Variants in FCHSD2 observed in about 807,000 individuals in gnomAD.
FCHSD2 encodes the protein F-BAR and double SH3 domains protein 2.
A neutral mutation model predicts 108.1 loss-of-function variants in FCHSD2; 38 were observed. That is an observed-to-expected ratio of 0.35 (90% CI 0.27 to 0.46). The LOEUF is 0.46. FCHSD2 is among the 20% of genes least tolerant of loss of function. The pLI is 1.00. For missense variants in FCHSD2, 751 were observed against 897.8 expected (o/e 0.84, Z 2.09); for synonymous variants, 279 against 314.7 (o/e 0.89, Z 1.20).
intron 13 of FCHSD2, among the ~76,000 whole-genome samples, chr11:72,863,288 A>C (rs188084098): frequency 8.1e-4 from 124 of 152,280 alleles, no homozygotes; most frequent in African/African-American, 2.7e-3. Context: ...CAGTTAAAAA[A>C]AAAAGTTCAA....
At chr11:72,891,733 C>T (rs1018097832) in intron 10 of FCHSD2, among the ~76,000 whole-genome samples, 11 of 152,212 alleles carry the variant, frequency 7.2e-5, no homozygotes, top group Non-Finnish European at 1.5e-4. Flanking sequence ...TTTTATGGCA[C>T]TACTAGCTTT....
chr11:72,849,089 T>TGAATCTG (rs955791476), intron 14 of FCHSD2, among the ~76,000 whole-genome samples: 8 of 151,962 alleles, frequency 5.3e-5, no homozygotes, highest in African/African-American at 1.9e-4. Flanking sequence ...GGCGGAGGAG[T>TGAATCTG]GAATCTGGTG....
chr11:72,988,437 A>C (rs958960770), intron 6 of FCHSD2, among the ~76,000 whole-genome samples: 2 of 152,248 alleles, frequency 1.3e-5, no homozygotes. Context: ...CAATTGCTAA[A>C]GCATACATGA....
chr11:72,992,926 A>C (rs1048484006), intron 5 of FCHSD2, among the ~76,000 whole-genome samples: 5 of 152,236 alleles, frequency 3.3e-5, no homozygotes, highest in African/African-American at 1.2e-4. Flanking sequence ...ATTAAACTAA[A>C]GAGCTTCTGC....
chr11:72,971,173 G>A (rs555224908), intron 8 of FCHSD2, among the ~76,000 whole-genome samples: 1 of 151,906 alleles, frequency 6.6e-6, no homozygotes, highest in Admixed American at 6.6e-5. Flanking sequence ...AACTGGAACA[G>A]GTCAAAATAT....
chr11:72,926,375 G>C (rs1856076541), intron 8 of FCHSD2, among the ~76,000 whole-genome samples: 1 of 152,276 alleles, frequency 6.6e-6, no homozygotes, highest in East Asian at 1.9e-4. Flanking sequence ...GGTAGAGAGA[G>C]GATGGCATGA....
intron 6 of FCHSD2, among the ~76,000 whole-genome samples, chr11:72,988,707 T>C (rs980925250): frequency 1.3e-5 from 2 of 152,236 alleles, no homozygotes; most frequent in African/African-American, 4.8e-5. Flanking sequence ...GTAAATACAA[T>C]GTTCATTTAC....
chr11:72,950,188 G>A (rs753174700), intron 8 of FCHSD2, among the ~76,000 whole-genome samples: 45 of 152,032 alleles, frequency 3.0e-4, no homozygotes, highest in Admixed American at 1.6e-3. Context: ...TAAAAAAACT[G>A]GGTTATTTGT....
chr11:72,966,906 G>C (rs533698299), intron 8 of FCHSD2, among the ~76,000 whole-genome samples: 3 of 152,168 alleles, frequency 2.0e-5, no homozygotes, highest in South Asian at 4.2e-4. Context: ...CTGATTATGA[G>C]TTAAGAAAGT....
chr11:73,099,692 C>T (rs1305150227), intron 2 of FCHSD2, among the ~76,000 whole-genome samples: 1 of 152,222 alleles, frequency 6.6e-6, no homozygotes, highest in African/African-American at 2.4e-5. Flanking sequence ...CGCTCACCAC[C>T]CTGGTTCTTC....
At chr11:72,965,708 C>G (rs1856894934) in intron 8 of FCHSD2, among the ~76,000 whole-genome samples, 1 of 152,218 alleles carries the variant, frequency 6.6e-6, no homozygotes, top group African/African-American at 2.4e-5. Flanking sequence ...CTTTCCCATT[C>G]TATGTACACC....
chr11:72,920,248 GCA>G (rs1013744817), intron 9 of FCHSD2, among the ~76,000 whole-genome samples: 67 of 152,098 alleles, frequency 4.4e-4, no homozygotes, highest in African/African-American at 1.6e-3. Flanking sequence ...AAGACAGAGG[GCA>G]CACACAATAT....
chr11:72,990,475 T>C (rs1045090811), intron 5 of FCHSD2, among the ~76,000 whole-genome samples: 3 of 152,148 alleles, frequency 2.0e-5, no homozygotes, highest in South Asian at 4.1e-4. Context: ...CCTCAGCAAA[T>C]GCAGAAGAAC....
At chr11:72,929,165 T>C in intron 8 of FCHSD2, among the ~76,000 whole-genome samples, 1 of 152,200 alleles carries the variant, frequency 6.6e-6, no homozygotes, top group Non-Finnish European at 1.5e-5. Flanking sequence ...CTATTGTGAA[T>C]AATGCCGCTA....
intron 13 of FCHSD2, among the ~76,000 whole-genome samples, chr11:72,861,079 G>C (rs1191586686): frequency 6.6e-6 from 1 of 151,896 alleles, no homozygotes; most frequent in African/African-American, 2.4e-5. Flanking sequence ...AAATAGAAAA[G>C]AGAAAAACGA....
intron 4 of FCHSD2, 121 bp downstream of exon 4, chr11:73,015,688 C>G (rs143515808): frequency 7.6e-6 from 4 of 523,160 alleles, no homozygotes; most frequent in Non-Finnish European, 1.0e-5. Context: ...AAATTATATC[C>G]GAAAACACAG....
intron 10 of FCHSD2, among the ~76,000 whole-genome samples, chr11:72,895,492 TCA>T (rs1240152853): frequency 6.6e-6 from 1 of 152,168 alleles, no homozygotes; most frequent in African/African-American, 2.4e-5. Flanking sequence ...TTGGTAGCTC[TCA>T]CAGAGATCTT....
chr11:72,867,941 T>A lies in FCHSD2; in HGVS notation c.1232A>T (p.Asn411Ile). ...ATTTTCCAGTTCTTCCATTACTTGG[T>A]TCATGGCACTCTTTAGCCATGTGTC... ...SVDTWLKSAM[N>I]QVMEELENER... Residue 411 changes from asparagine (N) to isoleucine (I), a missense_variant, in exon 13 of 20, where the codon AAC becomes ATC. By Grantham distance (149) the Asn-to-Ile change is moderately radical. Transcript: ENST00000409418. The A allele has an allele frequency of 6.2e-7, 1 of 1,606,046 alleles. No individual in the cohort carries two copies. The highest frequency in any genetic ancestry group is 8.5e-7 in the Non-Finnish European group (1 of 1,176,424).
At chr11:72,902,499 C>T (rs1441996709) in intron 10 of FCHSD2, 44 bp downstream of exon 10, 15 of 1,354,706 alleles carry the variant, frequency 1.1e-5, no homozygotes, top group African/African-American at 2.9e-5. Flanking sequence ...TAAGCACAAA[C>T]ACAACTGAAC....
Sources: gnomAD v4.1 joint callset for allele counts (sites outside exome capture counted in the v4.1 genomes callset) on GRCh38, gnomAD v4.1.1 for gene constraint, MANE v1.5 for transcripts, NCBI Gene and HGNC (gene_info 2026-07-23, HGNC 2026-07-21) for gene names.